Variants in FRRS1 observed in about 807,000 individuals in gnomAD.
FRRS1 encodes the protein ferric chelate reductase 1, also known as ferric reductase 1.
In FRRS1, 51 loss-of-function variants were observed where a neutral mutation model predicts 70.7. That is an observed-to-expected ratio of 0.72 (90% CI 0.58 to 0.91). FRRS1 has a LOEUF of 0.91. Ranked by LOEUF, FRRS1 falls within the 40% of genes least tolerant of loss-of-function variation. The pLI, the probability that FRRS1 is intolerant of heterozygous loss-of-function variation, is 0.00. For synonymous variants in FRRS1, 225 were observed against 238.7 expected, an observed-to-expected ratio of 0.94 and a Z score of 0.53; for missense variants, 672 against 726.0, an observed-to-expected ratio of 0.93 and a Z score of 0.86.
rs532403872 is a variant in FRRS1 at position 99,734,958 on chromosome 1, A to G, written c.759+3128T>C. On this transcript the variant is annotated intron_variant, in intron 7 of 16. Coordinates refer to ENST00000646001, the MANE Select transcript of FRRS1 (RefSeq NM_001361041.2). ...GATCATGTATGGAATAAGATGATACAGCGCAGTGGAAGGAGAAGGAAGGAA... is the reference window on the plus strand; with the variant it reads ...GATCATGTATGGAATAAGATGATACGGCGCAGTGGAAGGAGAAGGAAGGAA... 7.9e-5 allele frequency among the ~76,000 whole-genome samples: 12 copies of G among 152,328 alleles called. No individual in the cohort carries two copies. In the South Asian group the frequency reaches 2.3e-3, roughly 29 times the overall value.
intron 7 of FRRS1, among the ~76,000 whole-genome samples, chr1:99,737,408 T>C (rs1463923672): frequency 6.6e-6 from 1 of 152,252 alleles, no homozygotes; most frequent in Non-Finnish European, 1.5e-5. Flanking sequence ...CAGGAACACA[T>C]GTTTTAGTTC....
At position 99,748,607 on chromosome 1, in the gene FRRS1, A is replaced by C. The variant is rs758709299; in HGVS notation, c.162T>G (p.Ser54Arg). 2.5e-6 allele frequency: 4 copies of C among 1,613,992 alleles called. No homozygotes were observed. In the Admixed American group the frequency reaches 6.7e-5, roughly 27 times the overall value. Residue 54 changes from serine (S) to arginine (R), a missense_variant, in exon 3 of 17, where the codon AGT becomes AGG. Coordinates refer to ENST00000646001, the MANE Select transcript of FRRS1 (RefSeq NM_001361041.2). ...QSVPVHDIYVSQMTFRPGDQI... is the reference protein window; with the variant it reads ...QSVPVHDIYVRQMTFRPGDQI... The stretch of plus-strand genomic sequence containing the variant: ...GATCTCCTGGCCTGAATGTCATCTG[A>C]CTCACGTAAATGTCATGAACAGGAA...
chr1:99,754,659 T>C (rs1283550491), intron 1 of FRRS1, among the ~76,000 whole-genome samples: 5 of 152,214 alleles, frequency 3.3e-5, no homozygotes, highest in Admixed American at 6.5e-5. Flanking sequence ...CAAGCTCACA[T>C]GGAATGTTCA....
chr1:99,755,263 T>A (rs949025044), intron 1 of FRRS1, among the ~76,000 whole-genome samples: 73 of 146,550 alleles, frequency 5.0e-4, no homozygotes, highest in Admixed American at 2.6e-3. Flanking sequence ...TCCAAAAATT[T>A]AAAAAAAAAA....
chr1:99,738,353 T>A, intron 6 of FRRS1, 85 bp from the exon 7 acceptor site: 2 of 899,330 alleles, frequency 2.2e-6, no homozygotes, highest in South Asian at 1.8e-5. Flanking sequence ...TACCTTCAAG[T>A]ACGGGTAGCT....
intron 4 of FRRS1, among the ~76,000 whole-genome samples, chr1:99,746,619 C>G (rs1185792838): frequency 6.6e-6 from 1 of 152,158 alleles, no homozygotes; most frequent in East Asian, 1.9e-4. Flanking sequence ...TGTTTCCAAA[C>G]CAGTGCCAGA....
chr1:99,734,730 G>A (rs6577123), intron 7 of FRRS1, among the ~76,000 whole-genome samples: 1 of 151,996 alleles, frequency 6.6e-6, no homozygotes, highest in Non-Finnish European at 1.5e-5. Context: ...ACAATGGTAG[G>A]TGCTTTCCTA....
Position 99,715,580 on chromosome 1 carries a change from A to C in FRRS1, c.1323+6T>G. Reference sequence around the variant, plus strand: ...ATAAAAAAAACCCTATTTAAGATATACTTACCCTACTCCAGCCTCCCCTGT... The same window carrying C: ...ATAAAAAAAACCCTATTTAAGATATCCTTACCCTACTCCAGCCTCCCCTGT... On this transcript the variant is annotated splice_donor_region_variant and intron_variant, in intron 12 of 16. Coordinates refer to ENST00000646001, the MANE Select transcript of FRRS1 (RefSeq NM_001361041.2). 4 of 1,566,194 alleles carry C rather than the reference A, an allele frequency of 2.6e-6. No homozygotes were observed. Among genetic ancestry groups the C allele is most frequent in the Non-Finnish European group, 3.5e-6 (4 of 1,136,614 alleles).
At chr1:99,758,850 G>A (rs149189135) in intron 1 of FRRS1, among the ~76,000 whole-genome samples, 343 of 152,228 alleles carry the variant, frequency 2.3e-3, no homozygotes, top group African/African-American at 7.6e-3. Context: ...GCACTCCTGG[G>A]GGGAGGCCTA....
chr1:99,729,100 C>T (rs768015699), intron 8 of FRRS1, among the ~76,000 whole-genome samples: 9 of 152,220 alleles, frequency 5.9e-5, no homozygotes, highest in African/African-American at 1.9e-4. Context: ...GCTACTGCTC[C>T]GTCAGAGCTC....
chr1:99,737,936 T>C, intron 7 of FRRS1, 150 bp downstream of exon 7: 1 of 611,290 alleles, frequency 1.6e-6, no homozygotes, highest in Non-Finnish European at 2.9e-6. Flanking sequence ...AGAGGTGGGG[T>C]TTCACCATCT....
intron 12 of FRRS1, among the ~76,000 whole-genome samples, chr1:99,713,500 A>G (rs530396376): frequency 7.0e-4 from 106 of 152,344 alleles, no homozygotes; most frequent in African/African-American, 2.4e-3. Context: ...AAAAGGCAGG[A>G]GGGAGCTTTC....
rs951304697 is a variant in FRRS1 at position 99,747,342 on chromosome 1, T to C, written c.285A>G (p.Thr95=). Residue 95 remains threonine (T), a synonymous_variant, in exon 4 of 17, where the codon ACA becomes ACG. Coordinates refer to ENST00000646001, the MANE Select transcript of FRRS1 (RefSeq NM_001361041.2). ...GTTGTGACACTTCACTGTCAATCAA[T>C]GTGAAGGAGCCAATAGGAGGGCCAT... is the stretch of plus-strand genomic sequence containing the variant. ...DLNGPPIGSF[T]LIDSEVSQLL... 1 of 1,613,954 alleles carries C rather than the reference T, an allele frequency of 6.2e-7. No individual in the cohort carries two copies. The highest frequency in any genetic ancestry group is 1.3e-5 in the African/African-American group (1 of 75,016).
intron 5 of FRRS1, 139 bp from the exon 6 acceptor site, chr1:99,741,079 A>C (rs1243773050): frequency 2.6e-6 from 2 of 775,004 alleles, no homozygotes; most frequent in Non-Finnish European, 4.1e-6. Context: ...ATTTTGCCTG[A>C]GGCAAATCTC....
At chr1:99,752,871 G>A (rs1490366424) in intron 1 of FRRS1, among the ~76,000 whole-genome samples, 2 of 152,176 alleles carry the variant, frequency 1.3e-5, no homozygotes, top group Non-Finnish European at 1.5e-5. Flanking sequence ...TCAATGAGGA[G>A]TTGCCACAAG....
chr1:99,743,373 T>A (rs2100971898), intron 4 of FRRS1, among the ~76,000 whole-genome samples: 1 of 152,268 alleles, frequency 6.6e-6, no homozygotes, highest in Non-Finnish European at 1.5e-5. Flanking sequence ...TATACAGATT[T>A]TTTTTCAATA....
intron 6 of FRRS1, among the ~76,000 whole-genome samples, chr1:99,739,554 G>A (rs576127248): frequency 2.0e-5 from 3 of 152,038 alleles, no homozygotes; most frequent in Admixed American, 6.5e-5. Flanking sequence ...TTGAAGAGAA[G>A]GAAAACAAAA....
At chr1:99,752,210 A>G (rs1023176944) in intron 1 of FRRS1, among the ~76,000 whole-genome samples, 1 of 152,212 alleles carries the variant, frequency 6.6e-6, no homozygotes, top group African/African-American at 2.4e-5. Context: ...CATTTTGTTC[A>G]AGAACTTTCT....
At chr1:99,742,546 C>T (rs1477700339) in intron 4 of FRRS1, among the ~76,000 whole-genome samples, 3 of 152,182 alleles carry the variant, frequency 2.0e-5, no homozygotes, top group Non-Finnish European at 4.4e-5. Context: ...CTAGATAGAG[C>T]TTGCTCATTG....
Sources: gnomAD v4.1 joint callset for allele counts (sites outside exome capture counted in the v4.1 genomes callset) on GRCh38, gnomAD v4.1.1 for gene constraint, MANE v1.5 for transcripts, NCBI Gene and HGNC (gene_info 2026-07-23, HGNC 2026-07-21) for gene names.